The following TNFAIP8L3 variants were observed in gnomAD, a reference collection of about 807,000 sequenced individuals.
The protein encoded by TNFAIP8L3 is tumor necrosis factor alpha-induced protein 8-like protein 3.
Under a neutral mutation model 11.8 loss-of-function variants are expected in TNFAIP8L3, and 7 were observed. The ratio of observed to expected loss-of-function variants is 0.59; its 90% CI spans 0.34 to 1.11. The LOEUF (loss-of-function observed/expected upper bound fraction) is 1.11, where lower values mean the gene tolerates loss of function less well. TNFAIP8L3 is among the 50% of genes most tolerant of loss of function. The probability of loss-of-function intolerance (pLI) is 0.03; values close to 1 mark genes in which losing one functional copy is unlikely to be tolerated. For missense variants in TNFAIP8L3, 219 were observed against 258.6 expected (o/e 0.85, Z 1.05); for synonymous variants, 98 against 103.8 (o/e 0.94, Z 0.34).
intron 1 of TNFAIP8L3, among the ~76,000 whole-genome samples, chr15:51,065,812 C>A (rs2065267168): frequency 1.3e-5 from 2 of 152,200 alleles, no homozygotes; most frequent in African/African-American, 4.8e-5. Flanking sequence ...ATCAGAATTA[C>A]TTCATTTCTC....
intron 1 of TNFAIP8L3, among the ~76,000 whole-genome samples, chr15:51,101,763 A>G (rs867024463): frequency 2.0e-5 from 3 of 151,794 alleles, no homozygotes; most frequent in Middle Eastern, 3.4e-3. Context: ...TGGCTAACAC[A>G]GTGAAACCCC....
At chr15:51,101,420 G>A (rs975591752) in intron 1 of TNFAIP8L3, among the ~76,000 whole-genome samples, 1 of 152,064 alleles carries the variant, frequency 6.6e-6, no homozygotes, top group South Asian at 2.1e-4. Context: ...TCAAGAGTTC[G>A]AGACCAGCCT....
intron 1 of TNFAIP8L3, among the ~76,000 whole-genome samples, chr15:51,072,933 G>A: frequency 6.7e-6 from 1 of 148,900 alleles, no homozygotes; most frequent in Non-Finnish European, 1.5e-5. Context: ...AGGAATTTTA[G>A]GATAATATGA....
intron 1 of TNFAIP8L3, among the ~76,000 whole-genome samples, chr15:51,079,564 C>A (rs1017851621): frequency 6.6e-6 from 1 of 152,172 alleles, no homozygotes; most frequent in Admixed American, 6.5e-5. Flanking sequence ...GGCATGTCCT[C>A]CAACCAGGGG....
At chr15:51,086,661 GT>G (rs2065429542) in intron 1 of TNFAIP8L3, among the ~76,000 whole-genome samples, 1 of 152,116 alleles carries the variant, frequency 6.6e-6, no homozygotes, top group South Asian at 2.1e-4. Flanking sequence ...TTGGTTTTCT[GT>G]TCTATAAATT....
intron 1 of TNFAIP8L3, among the ~76,000 whole-genome samples, chr15:51,070,778 G>A (rs1043314762): frequency 2.6e-5 from 4 of 152,044 alleles, no homozygotes; most frequent in Admixed American, 2.6e-4. Flanking sequence ...CGGGCGCGGT[G>A]GCTCACGCCT....
At chr15:51,058,488 C>T (rs1348901794) in intron 1 of TNFAIP8L3, 45 bp from the exon 2 acceptor site, 1 of 1,401,568 alleles carries the variant, frequency 7.1e-7, no homozygotes. Flanking sequence ...AATATAAGAA[C>T]TGTCTGTTAC....
At chr15:51,085,395 T>C (rs1202281003) in intron 1 of TNFAIP8L3, among the ~76,000 whole-genome samples, 1 of 152,106 alleles carries the variant, frequency 6.6e-6, no homozygotes, top group Non-Finnish European at 1.5e-5. Flanking sequence ...AGGGCTCTTC[T>C]GACTAAGAAA....
In TNFAIP8L3 at chr15:51,058,233, A is replaced by G; in HGVS notation, c.263T>C (p.Ile88Thr). 3 of 1,614,130 alleles carry G rather than the reference A, an allele frequency of 1.9e-6. No individual in the cohort carries two copies. Among genetic ancestry groups the G allele is most frequent in the Non-Finnish European group, 2.5e-6 (3 of 1,180,034 alleles). ...CTGGTTGTTCCGGTAGAGGATCCCG[A>G]TTTTGATCGCCACCTTGATTAAGTC... is the stretch of plus-strand genomic sequence containing the variant. ...MKDLIKVAIK[I>T]GILYRNNQFS... Residue 88 changes from isoleucine to threonine, a missense_variant, in exon 2 of 2, where the codon ATC becomes ACC. Transcript: ENST00000637513.
intron 1 of TNFAIP8L3, among the ~76,000 whole-genome samples, chr15:51,088,594 G>A (rs1041387694): frequency 6.6e-6 from 1 of 152,228 alleles, no homozygotes; most frequent in Admixed American, 6.5e-5. Context: ...CTACTGGACT[G>A]TGTGGATTGA....
At chr15:51,105,256 C>A in exon 1 of TNFAIP8L3, 1 of 1,479,000 alleles carries the variant, frequency 6.8e-7, no homozygotes, top group Admixed American at 2.0e-5. Flanking sequence ...TTTCCCATTA[C>A]TTGAGGTAAG....
intron 1 of TNFAIP8L3, chr15:51,069,589 C>T (rs943881291): frequency 2.0e-5 from 3 of 152,168 alleles, no homozygotes; most frequent in Non-Finnish European, 4.4e-5. Flanking sequence ...AATCCATCAC[C>T]CATCAGCACT....
intron 1 of TNFAIP8L3, among the ~76,000 whole-genome samples, chr15:51,086,772 T>C (rs747705249): frequency 6.6e-6 from 1 of 152,206 alleles, no homozygotes; most frequent in Non-Finnish European, 1.5e-5. Context: ...GCTTAATTAA[T>C]ATAGGATAAA....
chr15:51,102,370 T>G (rs577800116), intron 1 of TNFAIP8L3, among the ~76,000 whole-genome samples: 43 of 152,352 alleles, frequency 2.8e-4, no homozygotes, highest in Non-Finnish European at 3.8e-4. Context: ...TCTCTCATGT[T>G]TATGTGACAA....
intron 1 of TNFAIP8L3, among the ~76,000 whole-genome samples, chr15:51,087,640 C>A (rs2065439109): frequency 1.3e-5 from 2 of 152,040 alleles, no homozygotes; most frequent in African/African-American, 4.8e-5. Flanking sequence ...TGGACACCAC[C>A]AAGTGTCTCC....
Position 51,101,318 on chromosome 15 carries a change from C to T in TNFAIP8L3, c.172+3687G>A, listed in dbSNP as rs568667796. On this transcript the variant is annotated intron_variant, in intron 1 of 2. Coordinates refer to the TNFAIP8L3 transcript ENST00000327536. ...GCCAGTTACCTGCATTGCATGATCTCCTTTGAAAATATGTAAAATAGTGCG... is the reference window on the plus strand; with the variant it reads ...GCCAGTTACCTGCATTGCATGATCTTCTTTGAAAATATGTAAAATAGTGCG... Among the ~76,000 whole-genome samples, 28 of 152,274 alleles carry T rather than the reference C, an allele frequency of 1.8e-4. 1 individual carries two copies. Among genetic ancestry groups the T allele is most frequent in the African/African-American group, 5.1e-4 (21 of 41,548 alleles).
At chr15:51,075,626 C>T (rs1194443830) in intron 1 of TNFAIP8L3, among the ~76,000 whole-genome samples, 2 of 152,214 alleles carry the variant, frequency 1.3e-5, no homozygotes, top group Non-Finnish European at 2.9e-5. Flanking sequence ...ATGCCACATT[C>T]AGAGCCATGG....
At chr15:51,084,966 G>A (rs1046239273) in intron 1 of TNFAIP8L3, among the ~76,000 whole-genome samples, 1 of 152,148 alleles carries the variant, frequency 6.6e-6, no homozygotes, top group Non-Finnish European at 1.5e-5. Context: ...AACTGAGAAG[G>A]TACAGAGAAA....
chr15:51,059,150 G>A (rs1467117790), intron 1 of TNFAIP8L3, among the ~76,000 whole-genome samples: 1 of 152,198 alleles, frequency 6.6e-6, no homozygotes, highest in Admixed American at 6.5e-5. Context: ...GGCATAGAGA[G>A]TTGTACTGTG....
Sources: allele counts gnomAD v4.1 joint callset (sites outside exome capture counted in the v4.1 genomes callset), GRCh38; gene constraint gnomAD v4.1.1; transcripts MANE v1.5; gene names NCBI Gene and HGNC (gene_info 2026-07-23, HGNC 2026-07-21).